Variants in CUX2 observed in about 807,000 individuals in gnomAD.
The protein encoded by CUX2 is cut like homeobox 2.
A neutral mutation model predicts 144.8 loss-of-function variants in CUX2; 40 were observed. That is an observed-to-expected ratio of 0.28 (90% CI 0.21 to 0.36). The LOEUF (loss-of-function observed/expected upper bound fraction) is 0.36, where lower values mean the gene tolerates loss of function less well. Ranked by LOEUF, CUX2 falls within the 10% of genes least tolerant of loss-of-function variation. CUX2 has a pLI of 1.00. For missense variants in CUX2, 1,615 were observed against 1,994.0 expected (o/e 0.81, Z 3.62); for synonymous variants, 827 against 875.6 (o/e 0.94, Z 0.98).
chr12:111,299,425 T>A (rs1021298351), intron 9 of CUX2, among the ~76,000 whole-genome samples: 1 of 152,068 alleles, frequency 6.6e-6, no homozygotes, highest in Non-Finnish European at 1.5e-5. Flanking sequence ...GTGGGGGCAC[T>A]CCCTCCTACA....
At chr12:111,117,992 C>T (rs950659510) in intron 1 of CUX2, among the ~76,000 whole-genome samples, 6 of 152,148 alleles carry the variant, frequency 3.9e-5, no homozygotes, top group South Asian at 4.1e-4. Flanking sequence ...TTTGCCTTAC[C>T]GTATTTCCCA....
At chr12:111,176,907 G>A (rs945172868) in intron 1 of CUX2, among the ~76,000 whole-genome samples, 2 of 152,176 alleles carry the variant, frequency 1.3e-5, no homozygotes, top group Non-Finnish European at 2.9e-5. Flanking sequence ...GGGCATTTTG[G>A]ACTGGAAAAT....
chr12:111,137,423 G>C (rs1875970641), intron 1 of CUX2, among the ~76,000 whole-genome samples: 1 of 152,124 alleles, frequency 6.6e-6, no homozygotes, highest in African/African-American at 2.4e-5. Context: ...AGACACTTTG[G>C]GGAAAGGTAA....
intron 1 of CUX2, among the ~76,000 whole-genome samples, chr12:111,141,365 T>C (rs1175882694): frequency 6.6e-6 from 1 of 152,150 alleles, no homozygotes; most frequent in Non-Finnish European, 1.5e-5. Context: ...ATAAAGTATT[T>C]CCTGTCTCCA....
chr12:111,063,375 C>T (rs1870873445), intron 1 of CUX2, among the ~76,000 whole-genome samples: 1 of 152,078 alleles, frequency 6.6e-6, no homozygotes, highest in Non-Finnish European at 1.5e-5. Context: ...TTGCTCCAGG[C>T]GTGCAGCCTG....
intron 1 of CUX2, among the ~76,000 whole-genome samples, chr12:111,081,568 G>A (rs1041733812): frequency 7.9e-5 from 12 of 152,206 alleles, no homozygotes; most frequent in African/African-American, 2.9e-4. Flanking sequence ...CAAGACTCAT[G>A]TAAGGAGGGG....
chr12:111,174,702 C>G (rs1462422561), intron 1 of CUX2, among the ~76,000 whole-genome samples: 3 of 152,220 alleles, frequency 2.0e-5, no homozygotes, highest in South Asian at 2.1e-4. Context: ...GCAAGATTCC[C>G]TCTACAGACT....
Position 111,061,557 on chromosome 12 carries a change from G to GT in CUX2, c.63+27320dup, listed in dbSNP as rs1272792186. ...AAGAACACCCTTTGGCATGGTGTGT[G>GT]TTTCTGTCTACACCCTCGTCCTGCT... is the stretch of plus-strand genomic sequence containing the variant. On this transcript the variant is annotated intron_variant, in intron 1 of 21. Transcript: ENST00000261726. The surrounding 1 kb of genome is among the most constrained non-coding windows in gnomAD (Gnocchi z 4.2). 6.6e-6 allele frequency among the ~76,000 whole-genome samples: 1 copy of GT among 152,194 alleles called. No homozygotes were observed. Among genetic ancestry groups the GT allele is most frequent in the Non-Finnish European group, 1.5e-5 (1 of 68,042 alleles).
chr12:111,227,669 C>A (rs1257194500), intron 3 of CUX2, among the ~76,000 whole-genome samples: 11 of 152,150 alleles, frequency 7.2e-5, no homozygotes, highest in Admixed American at 7.2e-4. Context: ...GTTGGAAAAC[C>A]AGCCAGGGCA....
chr12:111,126,893 A>G (rs1391484867), intron 1 of CUX2, among the ~76,000 whole-genome samples: 1 of 152,172 alleles, frequency 6.6e-6, no homozygotes, highest in Non-Finnish European at 1.5e-5. Context: ...TGATACAACT[A>G]TCCTGTGTAC....
At position 111,061,550 on chromosome 12, in the gene CUX2, G is replaced by T. The variant is rs1248600247; in HGVS notation, c.63+27310G>T. On this transcript the variant is annotated intron_variant, in intron 1 of 21. Transcript: ENST00000261726. The surrounding 1 kb of genome is among the most constrained non-coding windows in gnomAD (Gnocchi z 4.2). Reference sequence around the variant, plus strand: ...AGACTGGAAGAACACCCTTTGGCATGGTGTGTGTTTCTGTCTACACCCTCG... The same window carrying T: ...AGACTGGAAGAACACCCTTTGGCATTGTGTGTGTTTCTGTCTACACCCTCG... Among the ~76,000 whole-genome samples the T allele has an allele frequency of 6.6e-6, 1 of 152,188 alleles. No individual in the cohort carries two copies. Among genetic ancestry groups the T allele is most frequent in the Non-Finnish European group, 1.5e-5 (1 of 68,038 alleles).
intron 1 of CUX2, among the ~76,000 whole-genome samples, chr12:111,158,005 TA>T: frequency 6.6e-6 from 1 of 152,194 alleles, no homozygotes; most frequent in Non-Finnish European, 1.5e-5. Flanking sequence ...TCAGAAGATG[TA>T]AAAATTAAAC....
Position 111,186,070 on chromosome 12 carries a change from C to CCTGCCCTCTGTT in CUX2, c.64-28121_64-28110dup, listed in dbSNP as rs1316475352. 3.9e-5 allele frequency among the ~76,000 whole-genome samples: 6 copies of CCTGCCCTCTGTT among 152,088 alleles called. No individual in the cohort carries two copies. In the East Asian group the frequency reaches 9.7e-4, roughly 25 times the overall value. ...CTCTCTCCCTCCCTCCCTTCCTCCTCCTGCCCTCTGTTCTGCCCTCGCCCC... is the reference window on the plus strand; with the variant it reads ...CTCTCTCCCTCCCTCCCTTCCTCCTCCTGCCCTCTGTTCTGCCCTCTGTTCTGCCCTCGCCCC... On this transcript the variant is annotated intron_variant, in intron 1 of 21. Transcript: ENST00000261726. The surrounding 1 kb of genome is among the most constrained non-coding windows in gnomAD (Gnocchi z 4.4).
rs1885804250 is a variant in CUX2, at chr12:111,293,489, G to C, written c.480G>C (p.Glu160Asp). ...CGCCTGCCGGGCCCACGCTGACCGA[G>C]GGAAGCCGCCTCCCAGGCATTCCCG... is the stretch of plus-strand genomic sequence containing the variant. ...GTSPAGPTLT[E>D]GSRLPGIPGK... The change falls in exon 6 of 22, where the codon GAG becomes GAC. Residue 160 changes from glutamate to aspartate, a missense_variant. Glu to Asp is a conservative substitution (Grantham distance 45). This residue lies in a region of CUX2 where 295 missense variants were observed against 400.2 expected (regional missense o/e 0.74). Transcript: ENST00000261726. The surrounding 1 kb of genome is among the most constrained non-coding windows in gnomAD (Gnocchi z 4.5). The C allele has an allele frequency of 2.5e-6, 4 of 1,608,562 alleles. No individual in the cohort carries two copies. The highest frequency in any genetic ancestry group is 3.4e-6 in the Non-Finnish European group (4 of 1,178,586).
At position 111,177,957 on chromosome 12, in the gene CUX2, A is replaced by T. The variant is rs536750146; in HGVS notation, c.64-36243A>T. 4.6e-5 allele frequency among the ~76,000 whole-genome samples: 7 copies of T among 152,382 alleles called. 1 individual carries two copies. In the South Asian group the frequency reaches 1.2e-3, roughly 27 times the overall value. Reference sequence around the variant, plus strand: ...CCATACAAAATGCCCAGCGCGTAGTAAGCAATCAATAAGTTATAGCTGTCA... The same window carrying T: ...CCATACAAAATGCCCAGCGCGTAGTTAGCAATCAATAAGTTATAGCTGTCA... On this transcript the variant is annotated intron_variant, in intron 1 of 21. Coordinates refer to ENST00000261726, the MANE Select transcript of CUX2 (RefSeq NM_015267.4).
Position 111,342,033 on chromosome 12 carries a change from C to T in CUX2, c.3639C>T (p.Ile1213=), listed in dbSNP as rs754007041. The change falls in exon 21 of 22, where the codon ATC becomes ATT. Residue 1213 remains isoleucine (I), a synonymous_variant. Coordinates refer to ENST00000261726, the MANE Select transcript of CUX2 (RefSeq NM_015267.4). ...TCAACCTCAAGACCAACACCGTCAT[C>T]AACTGGTTCCACAACTACAGGTGGG... ...FQLNLKTNTV[I]NWFHNYRSRM... 6.2e-7 allele frequency: 1 copy of T among 1,613,458 alleles called. No individual in the cohort carries two copies. The highest frequency in any genetic ancestry group is 8.5e-7 in the Non-Finnish European group (1 of 1,179,642).
rs143861591 is a variant in CUX2, at chr12:111,330,386, G to T, written c.2927-4055G>T. Among the ~76,000 whole-genome samples the T allele has an allele frequency of 1.3e-3, 204 of 152,128 alleles. 3 individuals carry two copies. Among genetic ancestry groups the T allele is most frequent in the African/African-American group, 4.8e-3 (200 of 41,524 alleles). On this transcript the variant is annotated intron_variant, in intron 18 of 21. Coordinates refer to ENST00000261726, the MANE Select transcript of CUX2 (RefSeq NM_015267.4). ...TTGGTAGATGAGAGGACAGTGTTGG[G>T]CATAACCCAACCCCAGCTCAAGTCC...
rs1050333994 is a variant in CUX2, at chr12:111,077,333, A to T, written c.63+43093A>T. 3.9e-5 allele frequency among the ~76,000 whole-genome samples: 6 copies of T among 152,130 alleles called. No individual in the cohort carries two copies. Among genetic ancestry groups the T allele is most frequent in the African/African-American group, 1.4e-4 (6 of 41,428 alleles). ...GAAGACGTGGGTAATGTATTCACAGACATGACTCCCAGACCCCGAGTGTCT... is the reference window on the plus strand; with the variant it reads ...GAAGACGTGGGTAATGTATTCACAGTCATGACTCCCAGACCCCGAGTGTCT... On this transcript the variant is annotated intron_variant, in intron 1 of 21. Transcript: ENST00000261726. The surrounding 1 kb of genome is among the most constrained non-coding windows in gnomAD (Gnocchi z 4.1).
In CUX2 at chr12:111,320,717, G is replaced by A. The variant is rs1376326529; in HGVS notation, c.2708G>A (p.Arg903His). The change falls in exon 17 of 22, where the codon CGC becomes CAC. Residue 903 changes from arginine (R) to histidine (H), a missense_variant. Coordinates refer to ENST00000261726, the MANE Select transcript of CUX2 (RefSeq NM_015267.4). This position sits in a 1 kb window ranked among gnomAD's most constrained non-coding sequence, Gnocchi z 8.1. ...GAGGTAGACACGCTGGAGCTCACCC[G>A]CCAGGTCAAGGAGAAGCTGGCCAAG... ...YREVDTLELTRQVKEKLAKNG... is the reference protein window; with the variant it reads ...YREVDTLELTHQVKEKLAKNG... The A allele has an allele frequency of 3.8e-6, 6 of 1,588,500 alleles. No homozygotes were observed. Among genetic ancestry groups the A allele is most frequent in the Admixed American group, 3.4e-5 (2 of 58,924 alleles).
Sources: gnomAD v4.1 joint callset for allele counts (sites outside exome capture counted in the v4.1 genomes callset) on GRCh38, gnomAD v4.1.1 for gene constraint, gnomAD v4.1.1 regional missense constraint, Gnocchi (gnomAD v3.1) non-coding constraint, MANE v1.5 for transcripts, NCBI Gene and HGNC (gene_info 2026-07-23, HGNC 2026-07-21) for gene names.